Variants in CACNB4 observed in about 807,000 individuals in gnomAD.
CACNB4 encodes voltage-dependent L-type calcium channel subunit beta-4.
In CACNB4, 32 loss-of-function variants were observed where a neutral mutation model predicts 71.2. The ratio of observed to expected loss-of-function variants is 0.45; its 90% CI spans 0.34 to 0.60. The LOEUF is 0.60. Ranked by LOEUF, CACNB4 falls within the 20% of genes least tolerant of loss-of-function variation. The pLI, the probability that CACNB4 is intolerant of heterozygous loss-of-function variation, is 0.01. For missense variants in CACNB4, 464 were observed against 647.9 expected (o/e 0.72, Z 3.08); for synonymous variants, 231 against 236.9 (o/e 0.97, Z 0.23).
At chr2:152,037,382 A>C (rs1684651777) in intron 2 of CACNB4, among the ~76,000 whole-genome samples, 1 of 152,252 alleles carries the variant, frequency 6.6e-6, no homozygotes, top group Admixed American at 6.5e-5. Context: ...AAGAATAAAT[A>C]AATCCTGCTT....
chr2:152,097,336 A>G (rs1025790528), intron 2 of CACNB4, among the ~76,000 whole-genome samples: 1 of 152,182 alleles, frequency 6.6e-6, no homozygotes, highest in Admixed American at 6.5e-5. Flanking sequence ...ATTACACAAT[A>G]CTGAGTGACC....
chr2:152,055,336 C>T (rs1685669469), intron 2 of CACNB4, among the ~76,000 whole-genome samples: 1 of 152,302 alleles, frequency 6.6e-6, no homozygotes, highest in Admixed American at 6.5e-5. Context: ...TTGATAGTAA[C>T]CTTTGAAGCA....
intron 2 of CACNB4, among the ~76,000 whole-genome samples, chr2:152,015,396 G>A (rs1253279236): frequency 6.6e-6 from 1 of 152,164 alleles, no homozygotes. Context: ...TTCCCAAAGT[G>A]CTGGGATTAC....
chr2:151,956,907 GAGACCAAGGCGGTGGATCAC>G (rs2099868413), intron 2 of CACNB4, among the ~76,000 whole-genome samples: 2 of 152,164 alleles, frequency 1.3e-5, no homozygotes, highest in Non-Finnish European at 2.9e-5. Flanking sequence ...AGCACTGTGG[GAGACCAAGGCGGTGGATCAC>G]CTGAGGTCAG....
chr2:151,883,556 C>A, intron 2 of CACNB4, 186 bp from the exon 3 acceptor site: 1 of 613,556 alleles, frequency 1.6e-6, no homozygotes, highest in Non-Finnish European at 2.9e-6. Context: ...CGGAAAGTAG[C>A]AATGTTGTGA....
At chr2:152,018,401 CATA>C (rs1369119379) in intron 2 of CACNB4, among the ~76,000 whole-genome samples, 1 of 152,092 alleles carries the variant, frequency 6.6e-6, no homozygotes, top group Non-Finnish European at 1.5e-5. Flanking sequence ...GACTATTTCT[CATA>C]ACGTGGTAAA....
At chr2:151,887,333 C>T (rs542549060) in intron 2 of CACNB4, among the ~76,000 whole-genome samples, 1 of 152,106 alleles carries the variant, frequency 6.6e-6, no homozygotes, top group Non-Finnish European at 1.5e-5. Flanking sequence ...TATGCAGACA[C>T]CTCTGCAAGT....
In CACNB4 at chr2:151,995,704, G is replaced by A. The variant is rs935619278; in HGVS notation, c.147+102626C>T. ...AGCCTGGGTGACAAAGCGAGACTCCGTCTCAAAAATAAAATAAAATAAAAT... is the reference window on the plus strand; with the variant it reads ...AGCCTGGGTGACAAAGCGAGACTCCATCTCAAAAATAAAATAAAATAAAAT... On this transcript the variant is annotated intron_variant, in intron 2 of 13. Transcript: ENST00000539935. Among the ~76,000 whole-genome samples the A allele has an allele frequency of 4.6e-5, 7 of 152,290 alleles. No individual in the cohort carries two copies. In the South Asian group the frequency reaches 1.0e-3, roughly 23 times the overall value.
rs922888397 is a variant in CACNB4, at chr2:151,872,549, C to T, written c.522-56G>A. 4.3e-6 allele frequency: 4 copies of T among 939,396 alleles called. No individual in the cohort carries two copies. In the South Asian group the frequency reaches 5.6e-5, roughly 13 times the overall value. 58.2% of individuals were successfully genotyped at this position (939,396 alleles called of 1,614,324 possible). A position where few individuals can be genotyped will look rare whatever the true frequency, so the allele number is the denominator to read the frequency against. ...CTCCCCAGATTCTTTGAAAATAGAA[C>T]TTGAGAGTACAAAGCTTTCTTTGGC... On this transcript the variant is annotated intron_variant, in intron 5 of 13. Coordinates refer to ENST00000539935, the MANE Select transcript of CACNB4 (RefSeq NM_000726.5).
At chr2:151,931,478 G>A (rs559768311) in intron 2 of CACNB4, among the ~76,000 whole-genome samples, 1 of 152,220 alleles carries the variant, frequency 6.6e-6, no homozygotes, top group African/African-American at 2.4e-5. Context: ...ACACATAAAG[G>A]CTTACTTTCA....
At chr2:152,032,916 T>C (rs150744973) in intron 2 of CACNB4, among the ~76,000 whole-genome samples, 3,436 of 152,194 alleles carry the variant, frequency 0.023, 141 homozygotes, top group African/African-American at 0.078. Flanking sequence ...ATTATGCCAC[T>C]GCACTCCAGC....
intron 2 of CACNB4, among the ~76,000 whole-genome samples, chr2:151,886,256 C>T (rs139152217): frequency 1.6e-3 from 249 of 152,222 alleles, no homozygotes; most frequent in African/African-American, 5.7e-3. Context: ...GACTGTGGTA[C>T]GTAAGTCAGG....
In CACNB4 at chr2:151,895,093, G is replaced by GC. The variant is rs1386086990; in HGVS notation, c.148-11724dup. 6.6e-4 allele frequency among the ~76,000 whole-genome samples: 17 copies of GC among 25,664 alleles called. 1 individual carries two copies. The highest frequency in any genetic ancestry group is 1.2e-3 in the Non-Finnish European group (13 of 10,538). 16.8% of individuals were successfully genotyped at this position (25,664 alleles called of 152,430 possible). ...TTCATATGGAACCAGAACTCAAATA[G>GC]CCCCACACACACACACACACACACA... On this transcript the variant is annotated intron_variant, in intron 2 of 13. Transcript: ENST00000539935.
chr2:151,928,974 C>T (rs2099860962), intron 2 of CACNB4, among the ~76,000 whole-genome samples: 3 of 151,340 alleles, frequency 2.0e-5, no homozygotes, highest in African/African-American at 7.3e-5. Context: ...CTGAACTCAA[C>T]AAATAGTTCT....
chr2:152,056,379 A>G (rs1685731473), intron 2 of CACNB4, among the ~76,000 whole-genome samples: 1 of 151,946 alleles, frequency 6.6e-6, no homozygotes, highest in African/African-American at 2.4e-5. Context: ...AAAAAAAGAA[A>G]TTAGAAATTT....
At chr2:152,024,131 G>A (rs1226596294) in intron 2 of CACNB4, among the ~76,000 whole-genome samples, 1 of 152,110 alleles carries the variant, frequency 6.6e-6, no homozygotes, top group Non-Finnish European at 1.5e-5. Flanking sequence ...ACCAGCCTGG[G>A]TAATATAATG....
chr2:151,933,873 T>C (rs768931547), intron 2 of CACNB4, among the ~76,000 whole-genome samples: 2 of 146,422 alleles, frequency 1.4e-5, no homozygotes, highest in Non-Finnish European at 2.9e-5. Flanking sequence ...ACTCAATATA[T>C]AAAATTTCAG....
At chr2:151,962,410 A>C (rs1367987784) in intron 2 of CACNB4, among the ~76,000 whole-genome samples, 1 of 149,614 alleles carries the variant, frequency 6.7e-6, no homozygotes, top group African/African-American at 2.5e-5. Context: ...CTCCACCCCC[A>C]CCCCCAGAAC....
At chr2:151,924,179 T>C (rs866352384) in intron 2 of CACNB4, among the ~76,000 whole-genome samples, 74 of 148,452 alleles carry the variant, frequency 5.0e-4, no homozygotes, top group Admixed American at 1.1e-3. Flanking sequence ...CCCGGGTTCA[T>C]GCCATTCTCC....
Sources: gnomAD v4.1 joint callset for allele counts (sites outside exome capture counted in the v4.1 genomes callset) on GRCh38, gnomAD v4.1.1 for gene constraint, MANE v1.5 for transcripts, NCBI Gene and HGNC (gene_info 2026-07-23, HGNC 2026-07-21) for gene names.